HLCS: variants seen among roughly 807,000 people sequenced by gnomAD.
HLCS encodes the protein biotin--protein ligase.
Under a neutral mutation model 75.0 loss-of-function variants are expected in HLCS, and 53 were observed. The ratio of observed to expected loss-of-function variants is 0.71; its 90% CI spans 0.57 to 0.89. The LOEUF (loss-of-function observed/expected upper bound fraction) is 0.89, where lower values mean the gene tolerates loss of function less well. HLCS is among the 40% of genes least tolerant of loss of function. HLCS has a pLI of 0.00. For synonymous variants in HLCS, 431 were observed against 428.6 expected (o/e 1.01, Z -0.07); for missense variants, 966 against 1,074.0 (o/e 0.90, Z 1.41).
Position 36,876,432 on chromosome 21 carries a change from C to T in HLCS, c.1892+20428G>A, listed in dbSNP as rs73387281. Among the ~76,000 whole-genome samples the T allele has an allele frequency of 7.3e-3, 1,116 of 152,284 alleles. 12 individuals are homozygous for T. The highest frequency in any genetic ancestry group is 0.026 in the African/African-American group (1,065 of 41,544). ...TTTACCAGTACTAACTCTTCCAAAC[C>T]ATGATCATGGTTTCTCTACGTAGGT... On this transcript the variant is annotated intron_variant, in intron 6 of 10. Coordinates refer to ENST00000674895, the MANE Select transcript of HLCS (RefSeq NM_001352514.2).
chr21:36,985,017 A>G (rs1424495878), intron 1 of HLCS, among the ~76,000 whole-genome samples: 1 of 152,166 alleles, frequency 6.6e-6, no homozygotes, highest in Non-Finnish European at 1.5e-5. Context: ...GAACCATTTG[A>G]GATTAAATTG....
At chr21:36,908,856 TC>T (rs1569177992) in intron 5 of HLCS, among the ~76,000 whole-genome samples, 1 of 152,108 alleles carries the variant, frequency 6.6e-6, no homozygotes, top group East Asian at 1.9e-4. Flanking sequence ...ATATCAGTGA[TC>T]TCCTGAGGCT....
At chr21:36,869,808 A>G (rs937653444) in intron 6 of HLCS, among the ~76,000 whole-genome samples, 3 of 152,314 alleles carry the variant, frequency 2.0e-5, no homozygotes, top group East Asian at 3.9e-4. Context: ...AAAATCACAG[A>G]CTCACAGAAC....
At chr21:36,793,604 T>C (rs1167692727) in intron 6 of HLCS, among the ~76,000 whole-genome samples, 1 of 152,086 alleles carries the variant, frequency 6.6e-6, no homozygotes, top group African/African-American at 2.4e-5. Flanking sequence ...CCAGCCAGGA[T>C]GCAATCTTAT....
chr21:36,878,072 T>C (rs1240638601), intron 6 of HLCS, among the ~76,000 whole-genome samples: 1 of 152,094 alleles, frequency 6.6e-6, no homozygotes, highest in African/African-American at 2.4e-5. Context: ...ATTTTCATCA[T>C]ATTCATCTGG....
chr21:36,854,066 T>A (rs1040211780), intron 6 of HLCS, among the ~76,000 whole-genome samples: 1 of 152,202 alleles, frequency 6.6e-6, no homozygotes. Flanking sequence ...GAGTCTCATA[T>A]AACTTTTAAT....
chr21:36,891,837 C>T (rs2064799500), intron 6 of HLCS, among the ~76,000 whole-genome samples: 1 of 152,188 alleles, frequency 6.6e-6, no homozygotes, highest in South Asian at 2.1e-4. Context: ...ATGGGGCTGT[C>T]CCTGCAGCCC....
At chr21:36,765,253 C>T in intron 7 of HLCS, 81 bp from the exon 8 acceptor site, 2 of 1,296,464 alleles carry the variant, frequency 1.5e-6, no homozygotes. Flanking sequence ...GGGCCACACA[C>T]TCAAATAAAT....
In HLCS at chr21:36,756,858, T is replaced by C. The variant is rs559850427; in HGVS notation, c.2237-103A>G. 1.1e-4 allele frequency: 177 copies of C among 1,588,184 alleles called. No individual in the cohort carries two copies. In the African/African-American group the frequency reaches 2.2e-3, roughly 19 times the overall value. ...ACAGTCTTGACTGTCAACTTCCTCC[T>C]TCCTTGTCCTCATTTCAGATTTCGT... On this transcript the variant is annotated intron_variant, in intron 9 of 10. Coordinates refer to ENST00000674895, the MANE Select transcript of HLCS (RefSeq NM_001352514.2).
chr21:36,876,379 C>T (rs373184262), intron 6 of HLCS, among the ~76,000 whole-genome samples: 27 of 152,278 alleles, frequency 1.8e-4, no homozygotes, highest in African/African-American at 6.3e-4. Flanking sequence ...GTACCAAATT[C>T]GTACATCAAC....
At chr21:36,828,711 TA>T (rs898602421) in intron 6 of HLCS, among the ~76,000 whole-genome samples, 5 of 152,136 alleles carry the variant, frequency 3.3e-5, no homozygotes, top group African/African-American at 7.2e-5. Context: ...TTGTGATCAA[TA>T]AAAAAACAAT....
At chr21:36,780,637 T>G (rs749434960) in intron 6 of HLCS, among the ~76,000 whole-genome samples, 1 of 152,280 alleles carries the variant, frequency 6.6e-6, no homozygotes, top group Middle Eastern at 3.4e-3. Context: ...ATGAACACTC[T>G]TATTCGCATG....
intron 6 of HLCS, among the ~76,000 whole-genome samples, chr21:36,875,610 G>A (rs1019722340): frequency 6.6e-6 from 1 of 152,194 alleles, no homozygotes; most frequent in Non-Finnish European, 1.5e-5. Flanking sequence ...GACACTCATC[G>A]GGACGATCTG....
chr21:36,980,871 C>A (rs964570476), intron 1 of HLCS: 8 of 153,100 alleles, frequency 5.2e-5, no homozygotes, highest in African/African-American at 1.9e-4. Context: ...GCCCCTGCCA[C>A]CTCTGGCCAC....
intron 6 of HLCS, among the ~76,000 whole-genome samples, chr21:36,884,842 G>A (rs941160959): frequency 6.6e-6 from 1 of 152,108 alleles, no homozygotes; most frequent in African/African-American, 2.4e-5. Flanking sequence ...GTAATGTCAG[G>A]TGCACGTGTT....
At chr21:36,856,519 G>T (rs932706899) in intron 6 of HLCS, among the ~76,000 whole-genome samples, 3 of 152,114 alleles carry the variant, frequency 2.0e-5, no homozygotes, top group Non-Finnish European at 4.4e-5. Context: ...GCTTCTATGG[G>T]TCGAAAAGAC....
intron 5 of HLCS, among the ~76,000 whole-genome samples, chr21:36,910,023 C>A (rs1363197744): frequency 6.6e-6 from 1 of 152,192 alleles, no homozygotes; most frequent in South Asian, 2.1e-4. Flanking sequence ...GAAAATGAAT[C>A]ATCAAAGACA....
rs1270203332 is a variant in HLCS at position 36,960,001 on chromosome 21, G to A, written c.330+2035C>T. Among the ~76,000 whole-genome samples the A allele has an allele frequency of 3.3e-5, 5 of 152,228 alleles. No individual in the cohort carries two copies. The South Asian group carries it at 1.0e-3, about 32-fold the overall frequency. ...GCCAAGGCTGTAAACACCCTCTTTG[G>A]GGCTCTGCGGTTCCCAGCGTCTCCA... On this transcript the variant is annotated intron_variant, in intron 2 of 10. Coordinates refer to ENST00000674895, the MANE Select transcript of HLCS (RefSeq NM_001352514.2).
intron 6 of HLCS, among the ~76,000 whole-genome samples, chr21:36,815,970 T>C (rs989654841): frequency 1.3e-5 from 2 of 152,344 alleles, no homozygotes; most frequent in African/African-American, 2.4e-5. Context: ...TTACATGGAA[T>C]AGGATGCCTC....
Sources: gnomAD v4.1 joint callset for allele counts (sites outside exome capture counted in the v4.1 genomes callset) on GRCh38, gnomAD v4.1.1 for gene constraint, MANE v1.5 for transcripts, NCBI Gene and HGNC (gene_info 2026-07-23, HGNC 2026-07-21) for gene names.